The following ELAPOR1 variants were observed in gnomAD, a reference collection of about 807,000 sequenced individuals.
ELAPOR1 encodes endosome/lysosome-associated apoptosis and autophagy regulator 1.
Under a neutral mutation model 119.7 loss-of-function variants are expected in ELAPOR1, and 77 were observed. The ratio of observed to expected loss-of-function variants is 0.64; its 90% confidence interval spans 0.54 to 0.78. ELAPOR1 has a LOEUF of 0.78. Ranked by LOEUF, ELAPOR1 falls within the 30% of genes least tolerant of loss-of-function variation. The pLI, the probability that ELAPOR1 is intolerant of heterozygous loss-of-function variation, is 0.00. For synonymous variants in ELAPOR1, 481 were observed against 487.2 expected (o/e 0.99, Z 0.17); for missense variants, 1,115 against 1,270.4 (o/e 0.88, Z 1.86).
intron 1 of ELAPOR1, among the ~76,000 whole-genome samples, chr1:109,126,168 GA>G (rs1258649376): frequency 6.6e-6 from 1 of 152,230 alleles, no homozygotes; most frequent in African/African-American, 2.4e-5. Context: ...CTTAGATGGG[GA>G]AAGTGAGAGC....
intron 3 of ELAPOR1, 43 bp downstream of exon 3, chr1:109,164,734 TAA>T: frequency 6.4e-7 from 1 of 1,555,036 alleles, no homozygotes; most frequent in Non-Finnish European, 8.8e-7. Flanking sequence ...GCCCACTGGG[TAA>T]GGGGCTACAG....
chr1:109,122,496 A>T (rs1648499588), intron 1 of ELAPOR1, among the ~76,000 whole-genome samples: 1 of 146,994 alleles, frequency 6.8e-6, no homozygotes, highest in Non-Finnish European at 1.5e-5. Context: ...CCAACTTTAC[A>T]AAACAGTTTT....
chr1:109,165,783 C>T (rs1363726324), intron 3 of ELAPOR1, among the ~76,000 whole-genome samples: 7 of 145,142 alleles, frequency 4.8e-5, no homozygotes, highest in Non-Finnish European at 7.5e-5. Context: ...CTCACTCTGT[C>T]GCCCAGGCTG....
At chr1:109,198,983 T>C (rs1160231849) in intron 18 of ELAPOR1, among the ~76,000 whole-genome samples, 1 of 152,248 alleles carries the variant, frequency 6.6e-6, no homozygotes, top group Non-Finnish European at 1.5e-5. Flanking sequence ...TTATCATGGA[T>C]GCATTTCTTA....
intron 18 of ELAPOR1, among the ~76,000 whole-genome samples, chr1:109,198,959 A>G (rs1653997254): frequency 2.6e-5 from 4 of 152,152 alleles, no homozygotes; most frequent in African/African-American, 7.2e-5. Flanking sequence ...CATCTCCTCC[A>G]CTAACCAGCT....
At chr1:109,168,710 A>C (rs184735810) in intron 3 of ELAPOR1, among the ~76,000 whole-genome samples, 1 of 152,326 alleles carries the variant, frequency 6.6e-6, no homozygotes, top group Admixed American at 6.5e-5. Context: ...AAAATGAAAA[A>C]CATTATATGC....
chr1:109,133,475 G>T (rs575782883), intron 1 of ELAPOR1, among the ~76,000 whole-genome samples: 72 of 152,240 alleles, frequency 4.7e-4, no homozygotes, highest in African/African-American at 1.7e-3. Flanking sequence ...GCATGAGAAT[G>T]GAAAAGACAA....
Position 109,194,457 on chromosome 1 carries a change from C to A in ELAPOR1, c.1984C>A (p.Arg662Ser), listed in dbSNP as rs748832482. The change falls in exon 15 of 22, where the codon CGC becomes AGC. Residue 662 changes from arginine to serine, a missense_variant. By Grantham distance (110) the Arg-to-Ser change is moderately radical (BLOSUM62 -1). Transcript: ENST00000369939. ...GTGCTACAACGATTGCACCTTCTCA[C>A]GCAACACTCCGACCAGGACTTTCAA... Reference protein sequence around the residue: ...SLCYNDCTFSRNTPTRTFNYN... With the variant: ...SLCYNDCTFSSNTPTRTFNYN... The A allele has an allele frequency of 3.7e-6, 6 of 1,613,732 alleles. No homozygotes were observed. Among genetic ancestry groups the A allele is most frequent in the African/African-American group, 2.7e-5 (2 of 74,936 alleles).
Position 109,191,739 on chromosome 1 carries a change from G to A in ELAPOR1, c.1559G>A (p.Arg520Lys). 6.2e-7 allele frequency: 1 copy of A among 1,614,192 alleles called. No homozygotes were observed. The highest frequency in any genetic ancestry group is 8.5e-7 in the Non-Finnish European group (1 of 1,180,030). Residue 520 changes from arginine (R) to lysine (K), a missense_variant, in exon 13 of 22, where the codon AGG (arginine) becomes AAG (lysine). Arg to Lys is a conservative substitution (Grantham distance 26). Coordinates refer to ENST00000369939, the MANE Select transcript of ELAPOR1 (RefSeq NM_020775.5). ...ELYFMVGVNS[R>K]TNTPVETWKG... ...TCCTGGGTTCAGGGTGTGAATTCTAGGACCAACACTCCTGTGGAGACGTGG... is the reference window on the plus strand; with the variant it reads ...TCCTGGGTTCAGGGTGTGAATTCTAAGACCAACACTCCTGTGGAGACGTGG...
At chr1:109,186,470 A>G in intron 8 of ELAPOR1, 1 of 984,844 alleles carries the variant, frequency 1.0e-6, no homozygotes. Context: ...TTTCCTAACT[A>G]AGCATGGGTT....
chr1:109,161,754 A>G, intron 1 of ELAPOR1, 140 bp from the exon 2 acceptor site: 2 of 951,844 alleles, frequency 2.1e-6, no homozygotes, highest in Non-Finnish European at 3.2e-6. Context: ...GTTCATAATC[A>G]TCAGCTCCCT....
At chr1:109,149,962 C>T (rs976968718) in intron 1 of ELAPOR1, among the ~76,000 whole-genome samples, 7 of 152,182 alleles carry the variant, frequency 4.6e-5, no homozygotes, top group African/African-American at 1.7e-4. Flanking sequence ...GTGCCGGGCC[C>T]CGAGCCTGGC....
rs1202533686 is a variant in ELAPOR1 at position 109,194,494 on chromosome 1, C to T, written c.2021C>T (p.Ser674Phe). The T allele has an allele frequency of 3.1e-6, 5 of 1,613,854 alleles. No homozygotes were observed. The highest frequency in any genetic ancestry group is 3.4e-6 in the Non-Finnish European group (4 of 1,179,696). Reference protein sequence around the residue: ...TPTRTFNYNFSALANTVTLAG... With the variant: ...TPTRTFNYNFFALANTVTLAG... Reference sequence around the variant, plus strand: ...ACCAGGACTTTCAACTACAACTTCTCCGCTTTGGCAAACACTGTCACTCTT... The same window carrying T: ...ACCAGGACTTTCAACTACAACTTCTTCGCTTTGGCAAACACTGTCACTCTT... Residue 674 changes from serine to phenylalanine, a missense_variant, in exon 15 of 22, where the codon TCC (serine) becomes TTC (phenylalanine). By Grantham distance (155) the Ser-to-Phe change is radical. Transcript: ENST00000369939.
intron 1 of ELAPOR1, among the ~76,000 whole-genome samples, chr1:109,123,384 A>G (rs1648568518): frequency 6.6e-6 from 1 of 152,230 alleles, no homozygotes; most frequent in South Asian, 2.1e-4. Flanking sequence ...ACAGTATGCC[A>G]CAAGATCTTT....
At chr1:109,170,068 T>C (rs1191171089) in intron 3 of ELAPOR1, among the ~76,000 whole-genome samples, 1 of 152,268 alleles carries the variant, frequency 6.6e-6, no homozygotes, top group Non-Finnish European at 1.5e-5. Flanking sequence ...AGTCCCTTCC[T>C]TCCCAAAGTG....
At chr1:109,124,312 C>A (rs1316955704) in intron 1 of ELAPOR1, among the ~76,000 whole-genome samples, 5 of 152,114 alleles carry the variant, frequency 3.3e-5, no homozygotes, top group Admixed American at 3.3e-4. Context: ...TGCAGTATAA[C>A]CTTGAACTCT....
intron 11 of ELAPOR1, among the ~76,000 whole-genome samples, chr1:109,190,833 T>C (rs1039628866): frequency 2.0e-5 from 3 of 152,198 alleles, no homozygotes; most frequent in Admixed American, 6.5e-5. Flanking sequence ...ATTCTGCTCC[T>C]TTAACCCCGG....
chr1:109,187,323 C>T lies in ELAPOR1; in HGVS notation c.1042-854C>T, dbSNP rs74379426. On this transcript the variant is annotated intron_variant, in intron 8 of 21. Coordinates refer to ENST00000369939, the MANE Select transcript of ELAPOR1 (RefSeq NM_020775.5). ...CTGGGGCTCTGGCTGTCGCAGCCCT[C>T]CGCAGGGAAGAGGGCCGAGCTGAGC... is the stretch of plus-strand genomic sequence containing the variant. The T allele has an allele frequency of 2.0e-3, 1,972 of 985,510 alleles. 13 individuals carry two copies. The highest frequency in any genetic ancestry group is 0.019 in the African/African-American group (1,103 of 57,340). 61.0% of individuals were successfully genotyped at this position (985,510 alleles called of 1,614,324 possible).
At chr1:109,144,820 A>T (rs535448893) in intron 1 of ELAPOR1, among the ~76,000 whole-genome samples, 1 of 152,224 alleles carries the variant, frequency 6.6e-6, no homozygotes, top group Admixed American at 6.5e-5. Flanking sequence ...TTTCTCCTAG[A>T]TATTATTGTA....
Sources: allele counts gnomAD v4.1 joint callset (sites outside exome capture counted in the v4.1 genomes callset), GRCh38; gene constraint gnomAD v4.1.1; transcripts MANE v1.5; gene names NCBI Gene and HGNC (gene_info 2026-07-23, HGNC 2026-07-21).